Variants in PLEKHA1 observed in about 807,000 individuals in gnomAD.
PLEKHA1 encodes the protein pleckstrin homology domain containing A1.
In PLEKHA1, 34 loss-of-function variants were observed where a neutral mutation model predicts 52.0. The observed-to-expected ratio is 0.65, with a 90% CI of 0.50 to 0.87. The LOEUF (loss-of-function observed/expected upper bound fraction) is 0.87. PLEKHA1 is among the 40% of genes least tolerant of loss of function. The probability of loss-of-function intolerance (pLI) is 0.00; values close to 1 mark genes in which losing one functional copy is unlikely to be tolerated. For missense variants in PLEKHA1, 497 were observed against 504.2 expected (o/e 0.99, Z 0.14); for synonymous variants, 163 against 170.7 (o/e 0.95, Z 0.35).
At chr10:122,416,060 CA>C in intron 7 of PLEKHA1, 58 bp downstream of exon 7, 1 of 1,493,922 alleles carries the variant, frequency 6.7e-7, no homozygotes, top group South Asian at 1.3e-5. Flanking sequence ...CTAGCAAACT[CA>C]AATTAACATG....
Position 122,393,438 on chromosome 10 carries a change from G to GT in PLEKHA1, c.141+98dup. 8.1e-7 allele frequency: 1 copy of GT among 1,240,250 alleles called. No individual in the cohort carries two copies. The highest frequency in any genetic ancestry group is 1.1e-6 in the Non-Finnish European group (1 of 940,736). The allele number at this position is 1,240,250 out of a possible 1,614,324, so 76.8% of individuals were successfully genotyped here. On this transcript the variant is annotated intron_variant, in intron 2 of 11. Transcript: ENST00000368990. This position sits in a 1 kb window ranked among gnomAD's most constrained non-coding sequence, Gnocchi z 4.5. ...GGCTTTAGATTTGTCTTCTTAAGCA[G>GT]TATATTTTTAGATTTATTTCTACTG...
chr10:122,376,415 A>T (rs2096535229), intron 1 of PLEKHA1, among the ~76,000 whole-genome samples: 1 of 151,276 alleles, frequency 6.6e-6, no homozygotes, highest in Non-Finnish European at 1.5e-5. Flanking sequence ...ACTGCCGTAA[A>T]CCTTACACTG....
In PLEKHA1 at chr10:122,426,925, GTTC is replaced by G; in HGVS notation, c.811-14_811-12del. On this transcript the variant is annotated splice_polypyrimidine_tract_variant and intron_variant, in intron 10 of 11. Transcript: ENST00000368990. ...TTTTGAGAAAAAATTGTTTGAATGAGTTCTTTTTTCCTTTAGGCTGATAGCCCT... is the reference window on the plus strand; with the variant it reads ...TTTTGAGAAAAAATTGTTTGAATGAGTTTTTTCCTTTAGGCTGATAGCCCT... The G allele has an allele frequency of 6.2e-7, 1 of 1,602,028 alleles. No individual in the cohort carries two copies. The highest frequency in any genetic ancestry group is 8.5e-7 in the Non-Finnish European group (1 of 1,170,380).
At chr10:122,422,312 A>T (rs1055194436) in intron 8 of PLEKHA1, 5 of 152,186 alleles carry the variant, frequency 3.3e-5, no homozygotes, top group African/African-American at 1.2e-4. Flanking sequence ...GAAACCTGGT[A>T]TTACTATAGG....
intron 1 of PLEKHA1, among the ~76,000 whole-genome samples, chr10:122,379,086 A>G (rs565289792): frequency 2.0e-5 from 3 of 152,208 alleles, no homozygotes; most frequent in Admixed American, 6.5e-5. Context: ...TTTTGGTGAG[A>G]TCTTGCAGGG....
chr10:122,414,881 G>GT (rs2097151944), intron 6 of PLEKHA1, among the ~76,000 whole-genome samples: 1 of 144,360 alleles, frequency 6.9e-6, no homozygotes, highest in Admixed American at 7.2e-5. Flanking sequence ...ACAGTTTAGT[G>GT]TTTATGTTTT....
intron 11 of PLEKHA1, among the ~76,000 whole-genome samples, chr10:122,428,661 A>G (rs1290009174): frequency 6.6e-6 from 1 of 152,190 alleles, no homozygotes; most frequent in Non-Finnish European, 1.5e-5. Flanking sequence ...TACGAAATGC[A>G]CCATTGTTCT....
intron 5 of PLEKHA1, among the ~76,000 whole-genome samples, chr10:122,407,834 A>C (rs1326009337): frequency 6.6e-6 from 1 of 152,170 alleles, no homozygotes; most frequent in East Asian, 1.9e-4. Context: ...TGTGCCCTGA[A>C]AGTCAGCATA....
rs190935112 is a variant in PLEKHA1, at chr10:122,412,386, G to C, written c.343-534G>C. On this transcript the variant is annotated intron_variant, in intron 5 of 11. Coordinates refer to ENST00000368990, the MANE Select transcript of PLEKHA1 (RefSeq NM_001001974.4). Reference sequence around the variant, plus strand: ...CATTTATTGAATACACTATGGTTTTGGTAATAGTCTCTGTCTTGAAGCCAG... The same window carrying C: ...CATTTATTGAATACACTATGGTTTTCGTAATAGTCTCTGTCTTGAAGCCAG... 2.0e-5 allele frequency: 3 copies of C among 152,340 alleles called. No individual in the cohort carries two copies. The East Asian group carries it at 5.8e-4, about 29-fold the overall frequency. 9.4% of individuals were successfully genotyped at this position (152,340 alleles called of 1,614,324 possible). A position where few individuals can be genotyped will look rare whatever the true frequency, so the allele number is the denominator to read the frequency against.
chr10:122,423,980 A>G (rs2097300138), intron 8 of PLEKHA1: 1 of 559,614 alleles, frequency 1.8e-6, no homozygotes, highest in Admixed American at 3.9e-5. Flanking sequence ...TAAGGGCCGT[A>G]TGCAGTTTTT....
chr10:122,391,812 A>G (rs1273086717), intron 1 of PLEKHA1, among the ~76,000 whole-genome samples: 2 of 152,136 alleles, frequency 1.3e-5, no homozygotes, highest in Non-Finnish European at 2.9e-5. Context: ...TATAAGAACA[A>G]TAACAGCAAC....
chr10:122,392,623 G>A (rs760931359), intron 1 of PLEKHA1, among the ~76,000 whole-genome samples: 4 of 152,038 alleles, frequency 2.6e-5, no homozygotes, highest in African/African-American at 9.7e-5. Flanking sequence ...TTGACTCTTG[G>A]CCTACTAGTT....
At chr10:122,378,285 C>G (rs2096565535) in intron 1 of PLEKHA1, among the ~76,000 whole-genome samples, 1 of 152,136 alleles carries the variant, frequency 6.6e-6, no homozygotes, top group Non-Finnish European at 1.5e-5. Context: ...ATTCAGCAGT[C>G]CAAGCTTACT....
At chr10:122,385,053 T>TTTTG (rs2096669701) in intron 1 of PLEKHA1, among the ~76,000 whole-genome samples, 1 of 152,040 alleles carries the variant, frequency 6.6e-6, no homozygotes, top group Admixed American at 6.6e-5. Context: ...ATTTGATGAG[T>TTTTG]TTTGACCATG....
intron 11 of PLEKHA1, 96 bp from the exon 12 acceptor site, chr10:122,429,525 TGTG>T: frequency 1.1e-6 from 1 of 904,752 alleles, no homozygotes; most frequent in Non-Finnish European, 1.7e-6. Context: ...TGTGTGTGTG[TGTG>T]TGTTTTATTT....
chr10:122,426,208 CCTTT>C (rs927414589), intron 10 of PLEKHA1, among the ~76,000 whole-genome samples: 1 of 151,640 alleles, frequency 6.6e-6, no homozygotes, highest in African/African-American at 2.4e-5. Context: ...AGAGCATGAC[CCTTT>C]CTATTTTGTC....
At chr10:122,412,341 T>A (rs7097701) in intron 5 of PLEKHA1, 2 of 151,984 alleles carry the variant, frequency 1.3e-5, no homozygotes, top group African/African-American at 2.4e-5. Flanking sequence ...GACTTTGGAT[T>A]CATCCATTGA....
chr10:122,417,564 G>T (rs2097195850), intron 7 of PLEKHA1, among the ~76,000 whole-genome samples: 1 of 149,090 alleles, frequency 6.7e-6, no homozygotes, highest in African/African-American at 2.5e-5. Flanking sequence ...CAGGAGAATT[G>T]CTTGAACCCA....
At position 122,429,801 on chromosome 10, in the gene PLEKHA1, A is replaced by C. The variant is rs1481039177; in HGVS notation, c.1078A>C (p.Thr360Pro). 6.2e-7 allele frequency: 1 copy of C among 1,614,206 alleles called. No homozygotes were observed. The highest frequency in any genetic ancestry group is 8.5e-7 in the Non-Finnish European group (1 of 1,180,032). The change falls in exon 12 of 12, where the codon ACT becomes CCT. Residue 360 changes from threonine (T) to proline (P), a missense_variant. By Grantham distance (38) the Thr-to-Pro change is conservative. Transcript: ENST00000368990. ...CAAGCCAGGGAACTTCAAGGTCCAG[A>C]CTGTCTCTCCAAGAGAACCAGCTTC... ...KVKPGNFKVQTVSPREPASKV... is the reference protein window; with the variant it reads ...KVKPGNFKVQPVSPREPASKV...
Sources: allele counts gnomAD v4.1 joint callset (sites outside exome capture counted in the v4.1 genomes callset), GRCh38; gene constraint gnomAD v4.1.1; non-coding constraint Gnocchi (gnomAD v3.1); transcripts MANE v1.5; gene names NCBI Gene and HGNC (gene_info 2026-07-23, HGNC 2026-07-21).